The following HFM1 variants were observed in gnomAD, a reference collection of about 807,000 sequenced individuals.
HFM1 encodes the protein probable ATP-dependent DNA helicase HFM1.
Under a neutral mutation model 192.1 loss-of-function variants are expected in HFM1, and 169 were observed. The observed-to-expected ratio is 0.88, with a 90% CI of 0.78 to 1.00. The LOEUF (loss-of-function observed/expected upper bound fraction) is 1.00, where lower values mean the gene tolerates loss of function less well. Among genes scored for constraint, HFM1 ranks in the 50% least tolerant of loss-of-function variants. The probability of loss-of-function intolerance (pLI) is 0.00; values close to 1 mark genes in which losing one functional copy is unlikely to be tolerated. For synonymous variants in HFM1, 525 were observed against 537.8 expected (o/e 0.98, Z 0.33); for missense variants, 1,661 against 1,668.0 (o/e 1.00, Z 0.07).
At position 91,347,974 on chromosome 1, in the gene HFM1, G is replaced by A. The variant is rs750207351; in HGVS notation, c.2207-498C>T. On this transcript the variant is annotated intron_variant, in intron 18 of 38. Transcript: ENST00000370425. Reference sequence around the variant, plus strand: ...TCAAAAGATTTATATTCATATAAACGGAATCTTTTCAAGAATAGATAAAGC... The same window carrying A: ...TCAAAAGATTTATATTCATATAAACAGAATCTTTTCAAGAATAGATAAAGC... 1.1e-4 allele frequency among the ~76,000 whole-genome samples: 17 copies of A among 152,054 alleles called. 1 individual carries two copies. The highest frequency in any genetic ancestry group is 6.8e-3 in the Middle Eastern group (2 of 294).
intron 36 of HFM1, among the ~76,000 whole-genome samples, chr1:91,264,097 G>C (rs1665437885): frequency 6.6e-6 from 1 of 152,002 alleles, no homozygotes; most frequent in Non-Finnish European, 1.5e-5. Flanking sequence ...GTTTTAAAAA[G>C]CTATTCAGTG....
At chr1:91,353,629 C>A (rs1657274826) in intron 13 of HFM1, among the ~76,000 whole-genome samples, 1 of 121,752 alleles carries the variant, frequency 8.2e-6, no homozygotes, top group African/African-American at 3.1e-5. Context: ...ATTTCTAAAA[C>A]TACTATATTA....
At position 91,323,050 on chromosome 1, in the gene HFM1, TA is replaced by T. The variant is rs1388161356; in HGVS notation, c.2534+42del. 5 of 1,347,114 alleles carry T rather than the reference TA, an allele frequency of 3.7e-6. No homozygotes were observed. In the African/African-American group the frequency reaches 6.0e-5, roughly 16 times the overall value. The allele number at this position is 1,347,114 out of a possible 1,614,324, so 83.4% of individuals were successfully genotyped here. The stretch of plus-strand genomic sequence containing the variant: ...TTTATTATTATTTATTTTAATTAAA[TA>T]AAACCTCTTAAAATTATTTAAAACA... On this transcript the variant is annotated intron_variant, in intron 22 of 38. Coordinates refer to ENST00000370425, the MANE Select transcript of HFM1 (RefSeq NM_001017975.6).
intron 2 of HFM1, among the ~76,000 whole-genome samples, chr1:91,399,875 T>C (rs530508409): frequency 3.0e-4 from 45 of 152,310 alleles, no homozygotes; most frequent in Admixed American, 2.2e-3. Context: ...AAAACAACCG[T>C]ATATTACAAA....
At chr1:91,380,868 CT>C in intron 7 of HFM1, 43 bp downstream of exon 7, 1 of 906,860 alleles carries the variant, frequency 1.1e-6, no homozygotes, top group South Asian at 1.4e-5. Context: ...TGATCATAAC[CT>C]AGTGAAAGGT....
intron 6 of HFM1, among the ~76,000 whole-genome samples, chr1:91,384,026 A>G (rs1258287790): frequency 1.3e-5 from 2 of 152,228 alleles, no homozygotes; most frequent in Non-Finnish European, 2.9e-5. Context: ...CTTGGTATTC[A>G]TGACATTATA....
Position 91,378,043 on chromosome 1 carries a change from T to G in HFM1, c.1377A>C (p.Thr459=). The change falls in exon 11 of 39, where the codon ACA becomes ACC. Residue 459 remains threonine (T), a synonymous_variant. Transcript: ENST00000370425. ...AACTCACATCCTCAGCATTTGGAAT[T>G]GTTGCAGATACAGCTACAAATCGCA... ...IPMRFVAVSA[T]IPNAEDIAEW... 1 of 1,611,802 alleles carries G rather than the reference T, an allele frequency of 6.2e-7. No individual in the cohort carries two copies. Among genetic ancestry groups the G allele is most frequent in the African/African-American group, 1.3e-5 (1 of 74,934 alleles).
intron 18 of HFM1, among the ~76,000 whole-genome samples, chr1:91,348,819 G>T (rs953419662): frequency 6.6e-6 from 1 of 151,904 alleles, no homozygotes; most frequent in African/African-American, 2.4e-5. Context: ...AGCTACTCTG[G>T]TGGCTGAGGT....
chr1:91,323,322 C>A, intron 21 of HFM1, 123 bp from the exon 22 acceptor site: 1 of 631,018 alleles, frequency 1.6e-6, no homozygotes, highest in Non-Finnish European at 2.7e-6. Flanking sequence ...ATGAACATAA[C>A]AGAGTTAAAA....
intron 30 of HFM1, among the ~76,000 whole-genome samples, chr1:91,306,152 G>A (rs533787555): frequency 7.9e-5 from 12 of 151,914 alleles, no homozygotes; most frequent in African/African-American, 2.4e-4. Context: ...TGACCAACAC[G>A]GAGAAATCCC....
At chr1:91,344,066 C>G (rs1055232454) in intron 19 of HFM1, among the ~76,000 whole-genome samples, 7 of 152,196 alleles carry the variant, frequency 4.6e-5, no homozygotes, top group Non-Finnish European at 1.0e-4. Context: ...CTGTTTGCCA[C>G]TTTCTTGAAG....
At chr1:91,362,695 T>G (rs1658674553) in intron 13 of HFM1, among the ~76,000 whole-genome samples, 1 of 152,102 alleles carries the variant, frequency 6.6e-6, no homozygotes, top group Non-Finnish European at 1.5e-5. Flanking sequence ...AAAAAACTAT[T>G]GTAAAATTTA....
chr1:91,318,989 C>T lies in HFM1; in HGVS notation c.2812+89G>A. On this transcript the variant is annotated intron_variant, in intron 25 of 38. Coordinates refer to ENST00000370425, the MANE Select transcript of HFM1 (RefSeq NM_001017975.6). ...ACAAACACATACCTTCCTTGAAGGT[C>T]TGTAATCATCACAGAATAATTTTAC... The T allele has an allele frequency of 3.1e-6, 4 of 1,276,474 alleles. 1 individual carries two copies. In the South Asian group the frequency reaches 6.0e-5, roughly 19 times the overall value. 79.1% of individuals were successfully genotyped at this position (1,276,474 alleles called of 1,614,324 possible).
At chr1:91,334,324 T>A (rs1557866253) in intron 20 of HFM1, among the ~76,000 whole-genome samples, 1 of 152,170 alleles carries the variant, frequency 6.6e-6, no homozygotes, top group African/African-American at 2.4e-5. Context: ...GTGGAGAAGA[T>A]TAAGTGCAAT....
chr1:91,384,103 C>G (rs530540896), intron 6 of HFM1, among the ~76,000 whole-genome samples: 89 of 152,266 alleles, frequency 5.8e-4, no homozygotes, highest in Non-Finnish European at 9.6e-4. Context: ...GTCACTTTAG[C>G]CAAACTGGAA....
intron 20 of HFM1, among the ~76,000 whole-genome samples, chr1:91,328,001 C>T (rs1653171536): frequency 6.6e-6 from 1 of 151,906 alleles, no homozygotes. Flanking sequence ...GCTACAAGTG[C>T]CTACATCAAA....
intron 20 of HFM1, chr1:91,329,371 A>G: frequency 6.3e-7 from 1 of 1,595,316 alleles, no homozygotes; most frequent in South Asian, 1.1e-5. Context: ...AGTAAGAGTC[A>G]TTAAGGCAGC....
At chr1:91,314,547 T>C (rs281988) in intron 28 of HFM1, among the ~76,000 whole-genome samples, 152,204 of 152,248 alleles carry the variant, frequency 1, 76,080 homozygotes, top group Non-Finnish European at 1. Context: ...TGTGAGCCAC[T>C]CCATCCAATC....
chr1:91,332,913 G>A (rs539632927), intron 20 of HFM1, among the ~76,000 whole-genome samples: 5 of 152,220 alleles, frequency 3.3e-5, no homozygotes, highest in African/African-American at 4.8e-5. Context: ...TCATCTCACC[G>A]CAGTTACAAT....
Sources: gnomAD v4.1 joint callset for allele counts (sites outside exome capture counted in the v4.1 genomes callset) on GRCh38, gnomAD v4.1.1 for gene constraint, MANE v1.5 for transcripts, NCBI Gene and HGNC (gene_info 2026-07-23, HGNC 2026-07-21) for gene names.